The following SDK1 variants were observed in gnomAD, a reference collection of about 807,000 sequenced individuals.
The protein encoded by SDK1 is sidekick cell adhesion molecule 1, also known as protein sidekick-1.
Under a neutral mutation model 245.5 loss-of-function variants are expected in SDK1, and 157 were observed. The ratio of observed to expected loss-of-function variants is 0.64; its 90% CI spans 0.56 to 0.73. The LOEUF (loss-of-function observed/expected upper bound fraction) is 0.73, where lower values mean the gene tolerates loss of function less well. SDK1 is among the 30% of genes least tolerant of loss of function. The probability of loss-of-function intolerance (pLI) is 0.00; values close to 1 mark genes in which losing one functional copy is unlikely to be tolerated. For synonymous variants in SDK1, 1,647 were observed against 1,278.5 expected (o/e 1.29, Z -6.15); for missense variants, 3,583 against 3,002.3 (o/e 1.19, Z -4.52).
rs919736039 is a variant in SDK1, at chr7:3,919,971, A to G, written c.848-30952A>G. On this transcript the variant is annotated intron_variant, in intron 5 of 44. Transcript: ENST00000404826. ...CTGGGGTCACAGCAGAGGGGGCACC[A>G]CCAGCTCTGGGAAGGCTTTAGGGAG... Among the ~76,000 whole-genome samples the G allele has an allele frequency of 1.3e-5, 2 of 152,100 alleles. 1 individual carries two copies. The highest frequency in any genetic ancestry group is 4.1e-4 in the South Asian group (2 of 4,820).
chr7:3,762,795 C>G (rs1479283509), intron 4 of SDK1, among the ~76,000 whole-genome samples: 1 of 152,212 alleles, frequency 6.6e-6, no homozygotes, highest in Non-Finnish European at 1.5e-5. Flanking sequence ...TAAAAAATCA[C>G]TGTCATTTAT....
intron 30 of SDK1, among the ~76,000 whole-genome samples, chr7:4,149,785 C>G (rs897421877): frequency 2.6e-5 from 4 of 152,084 alleles, no homozygotes; most frequent in African/African-American, 4.8e-5. Flanking sequence ...AGTCCTAGCC[C>G]CTCCCAAGGC....
chr7:3,487,265 G>A (rs1019687061), intron 1 of SDK1, among the ~76,000 whole-genome samples: 1 of 152,166 alleles, frequency 6.6e-6, no homozygotes, highest in African/African-American at 2.4e-5. Context: ...CTTTTGGGTA[G>A]TAATTTGTTG....
chr7:4,258,952 A>AT (rs1787796483), intron 44 of SDK1, among the ~76,000 whole-genome samples: 1 of 152,156 alleles, frequency 6.6e-6, no homozygotes, highest in Admixed American at 6.5e-5. Flanking sequence ...AATACATGTG[A>AT]TTTTCCCTAA....
intron 5 of SDK1, among the ~76,000 whole-genome samples, chr7:3,851,657 G>T (rs12532912): frequency 0.22 from 33,626 of 151,416 alleles, 4,124 homozygotes; most frequent in Middle Eastern, 0.35. Context: ...GGCATTGGGC[G>T]GCTTGATATA....
intron 4 of SDK1, among the ~76,000 whole-genome samples, chr7:3,646,520 G>T (rs1782841420): frequency 6.6e-6 from 1 of 152,104 alleles, no homozygotes; most frequent in Non-Finnish European, 1.5e-5. Context: ...GAAGATTATG[G>T]ATGTTAAATT....
intron 1 of SDK1, among the ~76,000 whole-genome samples, chr7:3,586,332 G>A (rs1416401417): frequency 6.6e-6 from 1 of 152,040 alleles, no homozygotes; most frequent in Non-Finnish European, 1.5e-5. Context: ...CAGTGGAGGT[G>A]ACCTTGAGAA....
intron 5 of SDK1, among the ~76,000 whole-genome samples, chr7:3,896,215 A>T (rs1781601747): frequency 1.3e-5 from 2 of 152,300 alleles, no homozygotes; most frequent in African/African-American, 4.8e-5. Flanking sequence ...GCTGTTCTTT[A>T]TCCCCTGTGT....
intron 35 of SDK1, among the ~76,000 whole-genome samples, chr7:4,205,275 C>T (rs1784153245): frequency 6.6e-6 from 1 of 152,156 alleles, no homozygotes; most frequent in African/African-American, 2.4e-5. Flanking sequence ...GGCTTCATAG[C>T]CAGGGATGCC....
intron 5 of SDK1, among the ~76,000 whole-genome samples, chr7:3,921,241 C>T (rs1374221520): frequency 6.6e-6 from 1 of 152,174 alleles, no homozygotes; most frequent in Admixed American, 6.5e-5. Context: ...ATACAGCACA[C>T]ACTGTTTTGT....
intron 1 of SDK1, among the ~76,000 whole-genome samples, chr7:3,582,660 G>A (rs1011034356): frequency 1.8e-5 from 2 of 113,490 alleles, no homozygotes; most frequent in African/African-American, 7.3e-5. Context: ...ACCTGCACAT[G>A]TAGCCCTGAA....
chr7:3,613,045 C>T (rs1234475036), intron 1 of SDK1, among the ~76,000 whole-genome samples: 1 of 152,148 alleles, frequency 6.6e-6, no homozygotes, highest in East Asian at 1.9e-4. Context: ...AGTGGAAGCT[C>T]TCTTGGGCAG....
chr7:3,813,034 G>C (rs912949774), intron 4 of SDK1, among the ~76,000 whole-genome samples: 1 of 152,126 alleles, frequency 6.6e-6, no homozygotes, highest in Non-Finnish European at 1.5e-5. Context: ...TCACTCTGGC[G>C]ACTTAACATG....
chr7:3,637,098 T>C (rs1157603079), intron 2 of SDK1, among the ~76,000 whole-genome samples: 1 of 150,792 alleles, frequency 6.6e-6, no homozygotes, highest in Admixed American at 6.7e-5. Flanking sequence ...TGTGTGTGTG[T>C]GTGTGTGTGT....
chr7:4,168,639 C>T (rs1781644075), intron 32 of SDK1, among the ~76,000 whole-genome samples: 1 of 152,208 alleles, frequency 6.6e-6, no homozygotes, highest in Non-Finnish European at 1.5e-5. Context: ...CTCTGTAATC[C>T]TGTCTTGTCT....
chr7:3,553,422 A>G (rs1326172816), intron 1 of SDK1, among the ~76,000 whole-genome samples: 1 of 152,182 alleles, frequency 6.6e-6, no homozygotes, highest in African/African-American at 2.4e-5. Context: ...AAACAGAAGG[A>G]GAACTCTAAA....
At chr7:4,153,864 A>G (rs77845134) in intron 30 of SDK1, among the ~76,000 whole-genome samples, 1 of 143,400 alleles carries the variant, frequency 7.0e-6, no homozygotes, top group Non-Finnish European at 1.5e-5. Flanking sequence ...TTTTTTTTTT[A>G]GAAATGGGGT....
chr7:3,469,094 G>C (rs1268135990), intron 1 of SDK1, among the ~76,000 whole-genome samples: 5 of 152,160 alleles, frequency 3.3e-5, no homozygotes, highest in African/African-American at 7.2e-5. Context: ...ACCAGAGTCT[G>C]TTGTGATTTG....
intron 5 of SDK1, among the ~76,000 whole-genome samples, chr7:3,877,548 G>C (rs910452404): frequency 2.0e-5 from 3 of 152,060 alleles, no homozygotes; most frequent in African/African-American, 4.8e-5. Context: ...TTATCTTCTA[G>C]AGAAAAATCT....
Sources: gnomAD v4.1 joint callset for allele counts (sites outside exome capture counted in the v4.1 genomes callset) on GRCh38, gnomAD v4.1.1 for gene constraint, MANE v1.5 for transcripts, NCBI Gene and HGNC (gene_info 2026-07-23, HGNC 2026-07-21) for gene names.